SCUBE3: variants seen among roughly 807,000 people sequenced by gnomAD.
The protein encoded by SCUBE3 is signal peptide, CUB domain and EGF like domain containing 3, also known as signal peptide, CUB and EGF-like domain-containing protein 3.
SCUBE3 carries 33 observed loss-of-function variants against 116.8 expected under a neutral mutation model. The ratio of observed to expected loss-of-function variants is 0.28; its 90% CI spans 0.21 to 0.38. The LOEUF is 0.38. Ranked by LOEUF, SCUBE3 falls within the 10% of genes least tolerant of loss-of-function variation. SCUBE3 has a pLI of 1.00. For synonymous variants in SCUBE3, 418 were observed against 496.9 expected (o/e 0.84, Z 2.11); for missense variants, 1,007 against 1,324.8 (o/e 0.76, Z 3.72).
rs1238179788 is a variant in SCUBE3 at position 35,241,772 on chromosome 6, G to C, written c.1313-34G>C. On this transcript the variant is annotated intron_variant, in intron 11 of 21. Transcript: ENST00000274938. The surrounding 1 kb of genome is among the most constrained non-coding windows in gnomAD (Gnocchi z 4.1). ...CCTCCAGCCAGCGGGGGTTGGGAAGGCAGGTCAGAACTGTGACAGGCTCCT... is the reference window on the plus strand; with the variant it reads ...CCTCCAGCCAGCGGGGGTTGGGAAGCCAGGTCAGAACTGTGACAGGCTCCT... 4 of 1,569,922 alleles carry C rather than the reference G, an allele frequency of 2.5e-6. No individual in the cohort carries two copies. Among genetic ancestry groups the C allele is most frequent in the Non-Finnish European group, 3.5e-6 (4 of 1,139,920 alleles).
At position 35,244,568 on chromosome 6, in the gene SCUBE3, A is replaced by G. The variant is rs76559839; in HGVS notation, c.2240-82A>G. ...GTATCTGATCTCCTGATTCTCCAGGATGAATGTATCCTGTCCATCCCATGC... is the reference window on the plus strand; with the variant it reads ...GTATCTGATCTCCTGATTCTCCAGGGTGAATGTATCCTGTCCATCCCATGC... On this transcript the variant is annotated intron_variant, in intron 17 of 21. Transcript: ENST00000274938. The surrounding 1 kb of genome is among the most constrained non-coding windows in gnomAD (Gnocchi z 4.3). The G allele has an allele frequency of 6.6e-4, 716 of 1,090,698 alleles. 6 individuals carry two copies. The African/African-American group carries it at 9.9e-3, about 15-fold the overall frequency. The allele number at this position is 1,090,698 out of a possible 1,614,324, so 67.6% of individuals were successfully genotyped here. A position where few individuals can be genotyped will look rare whatever the true frequency, so the allele number is the denominator to read the frequency against.
In SCUBE3 at chr6:35,232,462, C is replaced by A. The variant is rs748728452; in HGVS notation, c.470-388C>A. On this transcript the variant is annotated intron_variant, in intron 4 of 21. Coordinates refer to ENST00000274938, the MANE Select transcript of SCUBE3 (RefSeq NM_152753.4). This position sits in a 1 kb window ranked among gnomAD's most constrained non-coding sequence, Gnocchi z 4.2. ...GATCTGATTGCTACTGATCTTCTTC[C>A]CAGTTTGACTGTAAGCTCTTTGAGG... Among the ~76,000 whole-genome samples the A allele has an allele frequency of 6.6e-6, 1 of 151,716 alleles. No homozygotes were observed. The highest frequency in any genetic ancestry group is 1.5e-5 in the Non-Finnish European group (1 of 67,948).
Position 35,243,214 on chromosome 6 carries a change from G to C in SCUBE3, c.1887G>C (p.Gln629His). The C allele has an allele frequency of 6.2e-7, 1 of 1,613,974 alleles. No homozygotes were observed. The highest frequency in any genetic ancestry group is 8.5e-7 in the Non-Finnish European group (1 of 1,180,002). Residue 629 changes from glutamine to histidine, a missense_variant, in exon 15 of 22, where the codon CAG becomes CAC. By Grantham distance (24) the Gln-to-His change is conservative. Coordinates refer to ENST00000274938, the MANE Select transcript of SCUBE3 (RefSeq NM_152753.4). This position sits in a 1 kb window ranked among gnomAD's most constrained non-coding sequence, Gnocchi z 6.6. ...AEPMESCRPG[Q>H]HRAGTKCVSC... ...CGATGGAGTCCTGTAGGCCCGGGCA[G>C]CACCGTGCTGGGACCAAGTGTGGTA...
At chr6:35,247,526 A>G (rs897114705) in intron 21 of SCUBE3, among the ~76,000 whole-genome samples, 3 of 152,162 alleles carry the variant, frequency 2.0e-5, no homozygotes, top group Non-Finnish European at 4.4e-5. Context: ...TGTTAGCAAA[A>G]TATTTTTATA....
intron 1 of SCUBE3, among the ~76,000 whole-genome samples, chr6:35,225,471 A>G (rs983448176): frequency 2.0e-5 from 3 of 152,098 alleles, no homozygotes; most frequent in African/African-American, 7.2e-5. Flanking sequence ...TCTCTTTTCC[A>G]TTCTGTCACG....
intron 1 of SCUBE3, among the ~76,000 whole-genome samples, chr6:35,226,521 C>T (rs1055865395): frequency 1.9e-5 from 2 of 103,934 alleles, no homozygotes; most frequent in African/African-American, 3.9e-5. Flanking sequence ...GTCTCACTGT[C>T]GCCCAGGCTG....
intron 6 of SCUBE3, among the ~76,000 whole-genome samples, chr6:35,234,574 T>G (rs1463567694): frequency 4.6e-5 from 7 of 152,244 alleles, no homozygotes; most frequent in African/African-American, 1.7e-4. Flanking sequence ...TCTCATTGCC[T>G]TCTTTGGGCT....
intron 12 of SCUBE3, 93 bp from the exon 13 acceptor site, chr6:35,242,111 C>G: frequency 5.1e-6 from 5 of 976,212 alleles, no homozygotes. Flanking sequence ...CAGCCAAGCC[C>G]CTGGCTTATT....
rs34156110 is a variant in SCUBE3 at position 35,214,189 on chromosome 6, C to T, written c.-230C>T. On this transcript the variant is annotated 5_prime_UTR_variant, in exon 1 of 22. Transcript: ENST00000274938. This position sits in a 1 kb window ranked among gnomAD's most constrained non-coding sequence, Gnocchi z 6.3. ...CAGTCGCCCCTGGCGCCCCTCGCCT[C>T]GTCGCACTCTCCGCCTCGCTCTCCC... Among the ~76,000 whole-genome samples the T allele has an allele frequency of 0.68, 102,983 of 152,058 alleles. 38,002 individuals carry two copies. The highest frequency in any genetic ancestry group is 0.82 in the Non-Finnish European group (55,566 of 67,940).
rs1201136267 is a variant in SCUBE3, at chr6:35,238,037, C to A, written c.829+19C>A. On this transcript the variant is annotated intron_variant, in intron 7 of 21. Coordinates refer to ENST00000274938, the MANE Select transcript of SCUBE3 (RefSeq NM_152753.4). ...TGCAAAGGTAAGGACTTTGAGAGGA[C>A]AGAAGCAGAGTGACCTTTGGTAAGG... 3.4e-6 allele frequency: 5 copies of A among 1,465,864 alleles called. No homozygotes were observed. The highest frequency in any genetic ancestry group is 1.7e-4 in the Middle Eastern group (1 of 5,758). 90.8% of individuals were successfully genotyped at this position (1,465,864 alleles called of 1,614,324 possible). A position where few individuals can be genotyped will look rare whatever the true frequency, so the allele number is the denominator to read the frequency against.
intron 2 of SCUBE3, 117 bp downstream of exon 2, chr6:35,227,819 G>A (rs1783388874): frequency 9.2e-7 from 1 of 1,092,640 alleles, no homozygotes; most frequent in African/African-American, 1.5e-5. Context: ...CTGGTCAAGT[G>A]GTGGGGGGGT....
At chr6:35,225,120 C>T (rs1287069138) in intron 1 of SCUBE3, among the ~76,000 whole-genome samples, 1 of 152,202 alleles carries the variant, frequency 6.6e-6, no homozygotes, top group Non-Finnish European at 1.5e-5. Flanking sequence ...GATTTAATAC[C>T]ATCTCAAGCT....
chr6:35,240,800 T>G lies in SCUBE3; in HGVS notation c.1069+310T>G, dbSNP rs1784007800. On this transcript the variant is annotated intron_variant, in intron 9 of 21. Transcript: ENST00000274938. This position sits in a 1 kb window ranked among gnomAD's most constrained non-coding sequence, Gnocchi z 4.6. Reference sequence around the variant, plus strand: ...GGAAGGCTTTAAAAAGCTTGTTGGCTTGGCCCCTTCTCGATCATTCCTTTG... The same window carrying G: ...GGAAGGCTTTAAAAAGCTTGTTGGCGTGGCCCCTTCTCGATCATTCCTTTG... Among the ~76,000 whole-genome samples, 1 of 152,236 alleles carries G rather than the reference T, an allele frequency of 6.6e-6. No homozygotes were observed. The highest frequency in any genetic ancestry group is 6.5e-5 in the Admixed American group (1 of 15,288).
chr6:35,243,271 A>G lies in SCUBE3; in HGVS notation c.1909+35A>G. On this transcript the variant is annotated intron_variant, in intron 15 of 21. Transcript: ENST00000274938. This position sits in a 1 kb window ranked among gnomAD's most constrained non-coding sequence, Gnocchi z 6.6. Reference sequence around the variant, plus strand: ...CTTACTGGGGAGCAGGGATGTAGGAAAGACCCAGTTTGGGCCTGACTCAGA... The same window carrying G: ...CTTACTGGGGAGCAGGGATGTAGGAGAGACCCAGTTTGGGCCTGACTCAGA... The G allele has an allele frequency of 6.3e-7, 1 of 1,578,060 alleles. No homozygotes were observed. Among genetic ancestry groups the G allele is most frequent in the Non-Finnish European group, 8.7e-7 (1 of 1,151,672 alleles).
At chr6:35,220,613 T>C (rs140325449) in intron 1 of SCUBE3, 2 of 152,158 alleles carry the variant, frequency 1.3e-5, no homozygotes, top group Non-Finnish European at 2.9e-5. Flanking sequence ...GGAGCTAGAT[T>C]AGGGATAAGG....
chr6:35,251,765 G>A lies in SCUBE3; in HGVS notation c.*3060G>A, dbSNP rs536165844. 1 of 152,304 alleles carries A rather than the reference G, an allele frequency of 6.6e-6. No individual in the cohort carries two copies. Among genetic ancestry groups the A allele is most frequent in the African/African-American group, 2.4e-5 (1 of 41,540 alleles). 9.4% of individuals were successfully genotyped at this position (152,304 alleles called of 1,614,324 possible). ...AAGTTTAATTTAGGTCCTCCAAGTT[G>A]GAGGGTTAAGAACCCAGGCAAAGCT... On this transcript the variant is annotated 3_prime_UTR_variant, in exon 22 of 22. Transcript: ENST00000274938.
In SCUBE3 at chr6:35,243,735, C is replaced by T. The variant is rs770615367; in HGVS notation, c.2051C>T (p.Thr684Ile). Residue 684 changes from threonine (T) to isoleucine (I), a missense_variant, in exon 16 of 22, where the codon ACC (threonine) becomes ATC (isoleucine). Transcript: ENST00000274938. The surrounding 1 kb of genome is among the most constrained non-coding windows in gnomAD (Gnocchi z 6.6). ...GSDAHGPLGA[T>I]NVTTCAGQCP... is the part of the protein sequence containing the mutation. The stretch of plus-strand genomic sequence containing the variant: ...GATGCCCACGGGCCTCTTGGAGCCA[C>T]CAACGTCACCACGTGTGCAGGTGCC... 6 of 1,614,086 alleles carry T rather than the reference C, an allele frequency of 3.7e-6. No individual in the cohort carries two copies. The highest frequency in any genetic ancestry group is 4.2e-6 in the Non-Finnish European group (5 of 1,179,972).
chr6:35,248,748 C>T lies in SCUBE3; in HGVS notation c.*43C>T, dbSNP rs1249461620. Reference sequence around the variant, plus strand: ...ACCCAATTTTTTAAGCCCCCAGACTCCTTAGCCCTCAGAGCCGGCAGCCCC... The same window carrying T: ...ACCCAATTTTTTAAGCCCCCAGACTTCTTAGCCCTCAGAGCCGGCAGCCCC... On this transcript the variant is annotated 3_prime_UTR_variant, in exon 22 of 22. Coordinates refer to ENST00000274938, the MANE Select transcript of SCUBE3 (RefSeq NM_152753.4). The T allele has an allele frequency of 6.4e-7, 1 of 1,572,762 alleles. No individual in the cohort carries two copies. Among genetic ancestry groups the T allele is most frequent in the Admixed American group, 1.7e-5 (1 of 57,806 alleles).
Position 35,228,335 on chromosome 6 carries a change from A to C in SCUBE3, c.209-279A>C, listed in dbSNP as rs1206111802. On this transcript the variant is annotated intron_variant, in intron 2 of 21. Transcript: ENST00000274938. The surrounding 1 kb of genome is among the most constrained non-coding windows in gnomAD (Gnocchi z 4.9). Reference sequence around the variant, plus strand: ...CATGGGAGAAGATGTTCTTTGATGCATTATCTATGATGGTAAAATAAATTA... The same window carrying C: ...CATGGGAGAAGATGTTCTTTGATGCCTTATCTATGATGGTAAAATAAATTA... Among the ~76,000 whole-genome samples the C allele has an allele frequency of 6.6e-6, 1 of 152,254 alleles. No homozygotes were observed. Among genetic ancestry groups the C allele is most frequent in the Admixed American group, 6.5e-5 (1 of 15,288 alleles).
Sources: allele counts gnomAD v4.1 joint callset (sites outside exome capture counted in the v4.1 genomes callset), GRCh38; gene constraint gnomAD v4.1.1; non-coding constraint Gnocchi (gnomAD v3.1); transcripts MANE v1.5; gene names NCBI Gene and HGNC (gene_info 2026-07-23, HGNC 2026-07-21).